DLGAP2: variants seen among roughly 807,000 people sequenced by gnomAD.
The protein encoded by DLGAP2 is disks large-associated protein 2.
DLGAP2 carries 26 observed loss-of-function variants against 100.3 expected under a neutral mutation model. The observed-to-expected ratio is 0.26, with a 90% CI of 0.19 to 0.36. The LOEUF is 0.36. DLGAP2 is among the 10% of genes least tolerant of loss of function. The pLI is 1.00. For synonymous variants in DLGAP2, 886 were observed against 630.1 expected (o/e 1.41, Z -6.08); for missense variants, 1,858 against 1,453.2 (o/e 1.28, Z -4.53).
At chr8:1,168,652 TG>T (rs1220476399) in intron 2 of DLGAP2, among the ~76,000 whole-genome samples, 1 of 147,634 alleles carries the variant, frequency 6.8e-6, no homozygotes, top group African/African-American at 2.6e-5. Context: ...CATTTTTTCA[TG>T]TGTTTTTTGG....
At chr8:744,074 G>A (rs1188904833) in intron 1 of DLGAP2, among the ~76,000 whole-genome samples, 1 of 152,232 alleles carries the variant, frequency 6.6e-6, no homozygotes, top group Non-Finnish European at 1.5e-5. Flanking sequence ...GAAGTGACTT[G>A]TTCTGGTGGC....
At chr8:1,491,932 G>A (rs2130286001) in intron 3 of DLGAP2, among the ~76,000 whole-genome samples, 1 of 152,338 alleles carries the variant, frequency 6.6e-6, no homozygotes, top group East Asian at 1.9e-4. Flanking sequence ...GAGCTCCGGA[G>A]CGGGACGCGA....
rs1027748882 is a variant in DLGAP2 at position 1,702,850 on chromosome 8, G to T, written c.*1444G>T. On this transcript the variant is annotated 3_prime_UTR_variant, in exon 15 of 15. Coordinates refer to ENST00000637795, the MANE Select transcript of DLGAP2 (RefSeq NM_001346810.2). Reference sequence around the variant, plus strand: ...ATTACTCAAAGTAAAAGCGGACTGCGATTTAAGATGTTTCCACCCCAATAC... The same window carrying T: ...ATTACTCAAAGTAAAAGCGGACTGCTATTTAAGATGTTTCCACCCCAATAC... The T allele has an allele frequency of 2.0e-5, 3 of 152,754 alleles. No individual in the cohort carries two copies. Among genetic ancestry groups the T allele is most frequent in the Admixed American group, 2.0e-4 (3 of 15,306 alleles). The allele number at this position is 152,754 out of a possible 1,614,324, so 9.5% of individuals were successfully genotyped here.
chr8:1,308,967 A>C (rs988744702), intron 3 of DLGAP2, among the ~76,000 whole-genome samples: 2 of 152,182 alleles, frequency 1.3e-5, no homozygotes, highest in African/African-American at 4.8e-5. Flanking sequence ...ATAAATGAAA[A>C]ATTTACTCTA....
At chr8:1,559,868 TCTG>T (rs1802100757) in intron 5 of DLGAP2, among the ~76,000 whole-genome samples, 1 of 152,170 alleles carries the variant, frequency 6.6e-6, no homozygotes, top group Non-Finnish European at 1.5e-5. Flanking sequence ...GCCTGCACCT[TCTG>T]CTGGTCCAGC....
intron 3 of DLGAP2, among the ~76,000 whole-genome samples, chr8:1,359,331 G>GTT: frequency 6.6e-6 from 1 of 152,368 alleles, no homozygotes; most frequent in Admixed American, 6.5e-5. Context: ...CACCCAAAGA[G>GTT]AGGCCAGGCA....
chr8:1,199,072 T>C (rs548517821), intron 2 of DLGAP2, among the ~76,000 whole-genome samples: 2 of 152,334 alleles, frequency 1.3e-5, no homozygotes, highest in African/African-American at 4.8e-5. Flanking sequence ...ACTGCTCAGT[T>C]TAGAAAGGAT....
intron 3 of DLGAP2, among the ~76,000 whole-genome samples, chr8:1,450,618 C>G (rs1450448190): frequency 6.6e-6 from 1 of 151,778 alleles, no homozygotes; most frequent in East Asian, 1.9e-4. Flanking sequence ...TACCTTTTTT[C>G]CTTTCCAAAC....
At chr8:1,004,429 C>T (rs887175416) in intron 2 of DLGAP2, among the ~76,000 whole-genome samples, 1 of 152,184 alleles carries the variant, frequency 6.6e-6, no homozygotes, top group Admixed American at 6.5e-5. Flanking sequence ...AATAGGTGAG[C>T]TCTACTTTTT....
chr8:1,302,141 C>A (rs1485512784), intron 3 of DLGAP2: 3 of 152,490 alleles, frequency 2.0e-5, no homozygotes, highest in Non-Finnish European at 4.4e-5. Flanking sequence ...ATACCTGGGA[C>A]GGGACTCGGC....
intron 3 of DLGAP2, among the ~76,000 whole-genome samples, chr8:1,271,589 A>C (rs978487385): frequency 1.2e-4 from 18 of 152,196 alleles, no homozygotes; most frequent in African/African-American, 4.3e-4. Context: ...AAGAGTTGTA[A>C]ATACAGCAAT....
intron 2 of DLGAP2, among the ~76,000 whole-genome samples, chr8:1,191,788 T>A (rs767872260): frequency 6.6e-6 from 1 of 152,188 alleles, no homozygotes; most frequent in African/African-American, 2.4e-5. Context: ...ACCTTGAAAT[T>A]CAATTGTATA....
chr8:1,203,886 G>T (rs931486619), intron 2 of DLGAP2, among the ~76,000 whole-genome samples: 1 of 151,960 alleles, frequency 6.6e-6, no homozygotes, highest in Non-Finnish European at 1.5e-5. Context: ...GGAGTAGGAA[G>T]TGCCTGTATC....
chr8:866,330 G>A (rs1797496604), intron 1 of DLGAP2, among the ~76,000 whole-genome samples: 1 of 152,212 alleles, frequency 6.6e-6, no homozygotes, highest in Non-Finnish European at 1.5e-5. Context: ...AACGTGCGTG[G>A]GGCATGTGCT....
intron 11 of DLGAP2, among the ~76,000 whole-genome samples, chr8:1,677,258 G>C (rs60753815): frequency 0.19 from 29,062 of 152,044 alleles, 3,250 homozygotes; most frequent in East Asian, 0.46. Context: ...TGGAGATTTT[G>C]ATTGCAAAGA....
chr8:1,356,148 C>G (rs1338517105), intron 3 of DLGAP2, among the ~76,000 whole-genome samples: 2 of 152,124 alleles, frequency 1.3e-5, no homozygotes. Context: ...ACCTCACAGC[C>G]CCTGCATGGC....
intron 2 of DLGAP2, among the ~76,000 whole-genome samples, chr8:1,004,901 G>A (rs1453051880): frequency 6.6e-6 from 1 of 152,188 alleles, no homozygotes; most frequent in Non-Finnish European, 1.5e-5. Context: ...GCAGAACTCA[G>A]GCAGGAGGGG....
intron 2 of DLGAP2, among the ~76,000 whole-genome samples, chr8:1,115,762 C>T (rs576830389): frequency 7.9e-5 from 12 of 152,154 alleles, no homozygotes; most frequent in African/African-American, 1.2e-4. Flanking sequence ...TTCACATCAG[C>T]GGTCAGCCAC....
At chr8:935,004 G>A (rs1364556575) in intron 2 of DLGAP2, among the ~76,000 whole-genome samples, 1 of 152,182 alleles carries the variant, frequency 6.6e-6, no homozygotes, top group Non-Finnish European at 1.5e-5. Context: ...GTAGGAACGT[G>A]TATTACTCGG....
Sources: allele counts gnomAD v4.1 joint callset (sites outside exome capture counted in the v4.1 genomes callset), GRCh38; gene constraint gnomAD v4.1.1; transcripts MANE v1.5; gene names NCBI Gene and HGNC (gene_info 2026-07-23, HGNC 2026-07-21).